The following EVA1C variants were observed in gnomAD, a reference collection of about 807,000 sequenced individuals.
The protein encoded by EVA1C is protein eva-1 homolog C.
Under a neutral mutation model 45.4 loss-of-function variants are expected in EVA1C, and 25 were observed. That is an observed-to-expected ratio of 0.55 (90% confidence interval 0.40 to 0.77). The LOEUF is 0.77. Among genes scored for constraint, EVA1C ranks in the 30% least tolerant of loss-of-function variants. EVA1C has a pLI of 0.00. For synonymous variants in EVA1C, 190 were observed against 221.2 expected, an observed-to-expected ratio of 0.86 and a Z score of 1.25; for missense variants, 479 against 554.8, an observed-to-expected ratio of 0.86 and a Z score of 1.37.
At chr21:32,492,266 C>A (rs181408602) in intron 4 of EVA1C, among the ~76,000 whole-genome samples, 156 of 152,144 alleles carry the variant, frequency 1.0e-3, no homozygotes, top group Admixed American at 2.4e-3. Flanking sequence ...ATTAGGATCA[C>A]CCCTCATCTC....
At chr21:32,468,024 G>GTATA (rs370298715) in intron 4 of EVA1C, 176 bp downstream of exon 4, 2 of 315,234 alleles carry the variant, frequency 6.3e-6, no homozygotes, top group Non-Finnish European at 5.5e-6. Context: ...GTGTGTGTAT[G>GTATA]TATATATATA....
Position 32,412,857 on chromosome 21 carries a change from C to T in EVA1C, c.4C>T (p.Leu2Phe). Residue 2 changes from leucine to phenylalanine, a missense_variant, in exon 1 of 8, where the codon CTT becomes TTT. This residue lies in a region of EVA1C where 80 missense variants were observed against 63.8 expected (regional missense o/e 1.25). Transcript: ENST00000300255. M[L>F]LPGRARQPPT... is the part of the protein sequence containing the mutation. ...CCGCCCCGCCGCGCAGCGCACGATGCTTCTGCCGGGACGCGCACGCCAACC... is the reference window on the plus strand; with the variant it reads ...CCGCCCCGCCGCGCAGCGCACGATGTTTCTGCCGGGACGCGCACGCCAACC... 4 of 1,487,030 alleles carry T rather than the reference C, an allele frequency of 2.7e-6. No individual in the cohort carries two copies. Among genetic ancestry groups the T allele is most frequent in the Non-Finnish European group, 3.6e-6 (4 of 1,124,896 alleles). 92.1% of individuals were successfully genotyped at this position (1,487,030 alleles called of 1,614,324 possible).
chr21:32,432,669 G>A (rs78768081), intron 1 of EVA1C, among the ~76,000 whole-genome samples: 4 of 150,396 alleles, frequency 2.7e-5, no homozygotes, highest in African/African-American at 4.9e-5. Flanking sequence ...CTAAAACAGA[G>A]CAATTCCCTT....
At chr21:32,446,689 C>G (rs1205875946) in intron 1 of EVA1C, among the ~76,000 whole-genome samples, 1 of 152,178 alleles carries the variant, frequency 6.6e-6, no homozygotes, top group Non-Finnish European at 1.5e-5. Context: ...TAAGGACAAC[C>G]TTGGCAGCTG....
At chr21:32,484,346 C>A (rs1446487647) in intron 4 of EVA1C, among the ~76,000 whole-genome samples, 3 of 152,046 alleles carry the variant, frequency 2.0e-5, no homozygotes, top group Non-Finnish European at 4.4e-5. Context: ...GGGCTGGAGA[C>A]CAGCCTGACC....
intron 3 of EVA1C, among the ~76,000 whole-genome samples, chr21:32,460,327 C>G (rs1377702906): frequency 6.6e-6 from 1 of 152,148 alleles, no homozygotes; most frequent in Non-Finnish European, 1.5e-5. Context: ...TTTCTCTGTC[C>G]AAAAAACAAC....
intron 4 of EVA1C, among the ~76,000 whole-genome samples, chr21:32,489,398 T>G (rs2146382800): frequency 6.6e-6 from 1 of 152,346 alleles, no homozygotes; most frequent in East Asian, 1.9e-4. Context: ...GTTGAAAAGT[T>G]AGTTGATGGT....
intron 1 of EVA1C, among the ~76,000 whole-genome samples, chr21:32,421,788 A>G (rs1246434507): frequency 1.3e-5 from 2 of 152,222 alleles, no homozygotes; most frequent in Non-Finnish European, 2.9e-5. Context: ...TCATGCCTGT[A>G]ATCCCAGCAC....
chr21:32,420,576 T>C (rs2034231486), intron 1 of EVA1C, among the ~76,000 whole-genome samples: 1 of 151,954 alleles, frequency 6.6e-6, no homozygotes, highest in South Asian at 2.1e-4. Flanking sequence ...TTTTTTTTTG[T>C]AGAGACAGGG....
In EVA1C at chr21:32,496,697, T is replaced by C. The variant is rs2037362588; in HGVS notation, c.778+1527T>C. 1.2e-5 allele frequency: 7 copies of C among 582,072 alleles called. 1 individual carries two copies. Among genetic ancestry groups the C allele is most frequent in the Middle Eastern group, 4.7e-4 (1 of 2,128 alleles). 36.1% of individuals were successfully genotyped at this position (582,072 alleles called of 1,614,324 possible). ...GTTCCAGTAACTTCAGGCCTCTTCA[T>C]CAGAGTGTTGAATAAGAAGCAGAAC... On this transcript the variant is annotated intron_variant, in intron 5 of 7. Coordinates refer to ENST00000300255, the MANE Select transcript of EVA1C (RefSeq NM_058187.5).
intron 1 of EVA1C, among the ~76,000 whole-genome samples, chr21:32,426,288 T>C (rs1383640218): frequency 1.3e-5 from 2 of 152,214 alleles, no homozygotes; most frequent in African/African-American, 4.8e-5. Flanking sequence ...AGTCACTTGC[T>C]CACTTGACGT....
At chr21:32,419,711 T>TAAAAACAAAAACAAACA (rs1018745370) in intron 1 of EVA1C, among the ~76,000 whole-genome samples, 1 of 138,104 alleles carries the variant, frequency 7.2e-6, no homozygotes, top group Non-Finnish European at 1.5e-5. Flanking sequence ...CGAGTTCCTG[T>TAAAAACAAAAACAAACA]AAAAACAAAA....
At chr21:32,470,650 C>T (rs1216351448) in intron 4 of EVA1C, among the ~76,000 whole-genome samples, 1 of 152,196 alleles carries the variant, frequency 6.6e-6, no homozygotes, top group Non-Finnish European at 1.5e-5. Context: ...CCTGCTACTG[C>T]CTTAGGGAAA....
intron 4 of EVA1C, among the ~76,000 whole-genome samples, chr21:32,473,097 A>C (rs7278349): frequency 6.6e-6 from 1 of 152,118 alleles, no homozygotes. Flanking sequence ...TGACCTCACC[A>C]TTCAGGTCAG....
At chr21:32,475,901 ATCTATCTATCTATCTATC>A (rs1448486255) in intron 4 of EVA1C, among the ~76,000 whole-genome samples, 7 of 150,110 alleles carry the variant, frequency 4.7e-5, no homozygotes, top group African/African-American at 9.8e-5. Context: ...CTATCTATCT[ATCTATCTATCTATCTATC>A]TATCTATCTA....
At chr21:32,477,886 CCCTCCCCCGTACGCCCTCA>C (rs2036637722) in intron 4 of EVA1C, among the ~76,000 whole-genome samples, 1 of 30,986 alleles carries the variant, frequency 3.2e-5, no homozygotes, top group Non-Finnish European at 7.1e-5. Context: ...GTACGCCCTC[CCCTCCCCCGTACGCCCTCA>C]CCTCCGCCAT....
rs139431165 is a variant in EVA1C, at chr21:32,450,434, A to G, written c.161-2878A>G. On this transcript the variant is annotated intron_variant, in intron 1 of 7. Transcript: ENST00000300255. Reference sequence around the variant, plus strand: ...AGTGACAAGATCTTTTGGATAAGCCATGAATATTAAACCAAAGGCAAACTC... The same window carrying G: ...AGTGACAAGATCTTTTGGATAAGCCGTGAATATTAAACCAAAGGCAAACTC... Among the ~76,000 whole-genome samples the G allele has an allele frequency of 4.1e-3, 614 of 150,260 alleles. 4 individuals carry two copies. Among genetic ancestry groups the G allele is most frequent in the African/African-American group, 0.014 (579 of 40,548 alleles).
chr21:32,480,370 T>C (rs898581666), intron 4 of EVA1C, among the ~76,000 whole-genome samples: 4 of 149,990 alleles, frequency 2.7e-5, no homozygotes, highest in African/African-American at 9.8e-5. Flanking sequence ...CTTTAAAATA[T>C]TGCTTATTTA....
intron 1 of EVA1C, among the ~76,000 whole-genome samples, chr21:32,440,100 C>T (rs150309542): frequency 2.0e-5 from 3 of 152,012 alleles, no homozygotes; most frequent in Admixed American, 6.6e-5. Context: ...TTGGTCCTTC[C>T]GATTGGTTAG....
Sources: gnomAD v4.1 joint callset for allele counts (sites outside exome capture counted in the v4.1 genomes callset) on GRCh38, gnomAD v4.1.1 for gene constraint, gnomAD v4.1.1 regional missense constraint, MANE v1.5 for transcripts, NCBI Gene and HGNC (gene_info 2026-07-23, HGNC 2026-07-21) for gene names.